The following CCDC171 variants were observed in gnomAD, a reference collection of about 807,000 sequenced individuals.
CCDC171 encodes the protein coiled-coil domain containing 171.
In CCDC171, 177 loss-of-function variants were observed where a neutral mutation model predicts 168.2. The ratio of observed to expected loss-of-function variants is 1.05; its 90% CI spans 0.93 to 1.19. The LOEUF is 1.19. CCDC171 is among the 50% of genes most tolerant of loss of function. The probability of loss-of-function intolerance (pLI) is 0.00; values close to 1 mark genes in which losing one functional copy is unlikely to be tolerated. For synonymous variants in CCDC171, 687 were observed against 540.8 expected, an observed-to-expected ratio of 1.27 and a Z score of -3.75; for missense variants, 1,991 against 1,539.0, an observed-to-expected ratio of 1.29 and a Z score of -4.91.
intron 25 of CCDC171, among the ~76,000 whole-genome samples, chr9:15,934,251 G>A (rs865921200): frequency 4.7e-4 from 71 of 151,546 alleles, no homozygotes; most frequent in Middle Eastern, 3.4e-3. Flanking sequence ...TTAACTGGGC[G>A]TGTTGGCATG....
At chr9:16,071,742 A>G in the CCDC171 span, among the ~76,000 whole-genome samples, 1 of 152,076 alleles carries the variant, frequency 6.6e-6, no homozygotes, top group Admixed American at 6.5e-5. Context: ...CCTAGAGTGA[A>G]TCATCCACCA....
chr9:15,928,560 T>C (rs1421682785), intron 25 of CCDC171, among the ~76,000 whole-genome samples: 1 of 151,742 alleles, frequency 6.6e-6, no homozygotes, highest in East Asian at 1.9e-4. Flanking sequence ...TTTGCTTTAT[T>C]TTCCTTACCC....
chr9:15,988,966 G>T (rs2132898986), intron 3 of CCDC171, among the ~76,000 whole-genome samples: 1 of 152,316 alleles, frequency 6.6e-6, no homozygotes, highest in East Asian at 1.9e-4. Context: ...GCGGCTCAAG[G>T]AGGTCTGCCT....
intron 9 of CCDC171, among the ~76,000 whole-genome samples, chr9:15,676,153 A>C (rs777966804): frequency 6.6e-6 from 1 of 151,704 alleles, no homozygotes; most frequent in South Asian, 2.1e-4. Flanking sequence ...CCTTTCTTCC[A>C]CTTGATCGAA....
chr9:15,884,237 T>C (rs1323696061), intron 24 of CCDC171, among the ~76,000 whole-genome samples: 1 of 151,380 alleles, frequency 6.6e-6, no homozygotes, highest in Non-Finnish European at 1.5e-5. Flanking sequence ...GGAGGTGATA[T>C]TACCTGGTCT....
chr9:16,103,791 G>A, the CCDC171 span, among the ~76,000 whole-genome samples: 4 of 152,190 alleles, frequency 2.6e-5, no homozygotes, highest in African/African-American at 9.6e-5. Flanking sequence ...CGGCGAGGGG[G>A]GCCTGCCCCC....
intron 10 of CCDC171, among the ~76,000 whole-genome samples, chr9:15,686,906 G>A (rs946653413): frequency 2.6e-5 from 4 of 152,120 alleles, no homozygotes; most frequent in African/African-American, 9.7e-5. Context: ...AAACAAATTA[G>A]ACCTTACAGA....
chr9:16,046,441 A>T (rs947062565), intron 1 of CCDC171, among the ~76,000 whole-genome samples: 8 of 152,176 alleles, frequency 5.3e-5, no homozygotes, highest in Non-Finnish European at 8.8e-5. Flanking sequence ...AGTATTTTGG[A>T]AAAGCTCTGG....
At chr9:15,797,305 C>G (rs2058607008) in intron 21 of CCDC171, among the ~76,000 whole-genome samples, 1 of 152,148 alleles carries the variant, frequency 6.6e-6, no homozygotes, top group Non-Finnish European at 1.5e-5. Flanking sequence ...CAACCTCTGC[C>G]TCCTGGGCTC....
chr9:15,614,563 G>C (rs926339960), intron 6 of CCDC171, among the ~76,000 whole-genome samples: 2 of 152,114 alleles, frequency 1.3e-5, no homozygotes, highest in Admixed American at 6.5e-5. Flanking sequence ...TTGCTTTTAC[G>C]AAGGAAAGGA....
At chr9:15,951,911 G>C (rs778868647) in intron 25 of CCDC171, among the ~76,000 whole-genome samples, 1 of 152,068 alleles carries the variant, frequency 6.6e-6, no homozygotes, top group South Asian at 2.1e-4. Flanking sequence ...GCCTGTGCCT[G>C]TTGTGTCAAA....
At chr9:15,809,263 T>A (rs2059220040) in intron 21 of CCDC171, among the ~76,000 whole-genome samples, 1 of 152,208 alleles carries the variant, frequency 6.6e-6, no homozygotes, top group Non-Finnish European at 1.5e-5. Context: ...TCAATGTATG[T>A]AGTGGAGTCT....
At chr9:15,871,128 A>G (rs890925445) in intron 23 of CCDC171, among the ~76,000 whole-genome samples, 1 of 151,648 alleles carries the variant, frequency 6.6e-6, no homozygotes, top group African/African-American at 2.4e-5. Context: ...GAGTAGAAGT[A>G]ATATAGGTTT....
rs112458518 is a variant in CCDC171, at chr9:15,674,803, G to A, written c.1077-3955G>A. The stretch of plus-strand genomic sequence containing the variant: ...AATTATGTGGTCAATTTTAGAATAA[G>A]TGCAACGTGGTGTTGAGAAGAATGT... On this transcript the variant is annotated intron_variant, in intron 9 of 25. Coordinates refer to ENST00000380701, the MANE Select transcript of CCDC171 (RefSeq NM_173550.4). Among the ~76,000 whole-genome samples, 6 of 152,268 alleles carry A rather than the reference G, an allele frequency of 3.9e-5. 1 individual carries two copies. Among genetic ancestry groups the A allele is most frequent in the African/African-American group, 1.2e-4 (5 of 41,550 alleles).
intron 2 of CCDC171, among the ~76,000 whole-genome samples, chr9:15,564,655 G>A (rs143150187): frequency 2.6e-3 from 389 of 152,300 alleles, no homozygotes; most frequent in African/African-American, 9.1e-3. Flanking sequence ...GCCTTTGGGC[G>A]TGGCGCCTAC....
intron 24 of CCDC171, among the ~76,000 whole-genome samples, chr9:15,906,426 T>A (rs1037380101): frequency 6.6e-6 from 1 of 152,192 alleles, no homozygotes; most frequent in Non-Finnish European, 1.5e-5. Flanking sequence ...AAAATCCATA[T>A]GATTATCTCA....
chr9:15,642,506 T>A (rs1033671581), intron 7 of CCDC171, among the ~76,000 whole-genome samples: 1 of 151,404 alleles, frequency 6.6e-6, no homozygotes, highest in East Asian at 1.9e-4. Flanking sequence ...TTGGAAAAAA[T>A]TTTTTTGAGC....
intron 16 of CCDC171, among the ~76,000 whole-genome samples, chr9:15,739,235 G>C (rs901763175): frequency 1.3e-5 from 2 of 152,196 alleles, no homozygotes; most frequent in African/African-American, 4.8e-5. Flanking sequence ...AATAGTGTTA[G>C]GGGAGATCGA....
At chr9:15,742,818 T>A (rs1033119432) in intron 16 of CCDC171, among the ~76,000 whole-genome samples, 2 of 152,170 alleles carry the variant, frequency 1.3e-5, no homozygotes, top group African/African-American at 2.4e-5. Context: ...TTTTCTTTTT[T>A]AATAGAAACA....
Sources: allele counts gnomAD v4.1 joint callset (sites outside exome capture counted in the v4.1 genomes callset), GRCh38; gene constraint gnomAD v4.1.1; transcripts MANE v1.5; gene names NCBI Gene and HGNC (gene_info 2026-07-23, HGNC 2026-07-21).